The following SLIT2 variants were observed in gnomAD, a reference collection of about 807,000 sequenced individuals.
The protein encoded by SLIT2 is slit homolog 2 protein.
Under a neutral mutation model 185.7 loss-of-function variants are expected in SLIT2, and 41 were observed. That is an observed-to-expected ratio of 0.22 (90% CI 0.17 to 0.29). SLIT2 has a LOEUF of 0.29. SLIT2 is among the 10% of genes least tolerant of loss of function. SLIT2 has a pLI of 1.00. For synonymous variants in SLIT2, 693 were observed against 680.2 expected, an observed-to-expected ratio of 1.02 and a Z score of -0.29; for missense variants, 1,571 against 1,909.0, an observed-to-expected ratio of 0.82 and a Z score of 3.30.
chr4:20,618,932 G>A lies in SLIT2; in HGVS notation c.4513G>A (p.Glu1505Lys), dbSNP rs779153208. The change falls in exon 37 of 37, where the codon GAA becomes AAA. Residue 1505 changes from glutamate to lysine, a missense_variant. Glu to Lys is a moderately conservative substitution (Grantham distance 56). Around this residue, in one of 3 missense-constraint regions of SLIT2, gnomAD observed 223 missense variants for 245.2 expected, o/e 0.91. Transcript: ENST00000504154. ...LRSKRRKYSFECTDGSSFVDE... is the reference protein window; with the variant it reads ...LRSKRRKYSFKCTDGSSFVDE... ...GAGCAAGCGGCGGAAATACTCTTTC[G>A]AATGCACTGACGGCTCCTCCTTTGT... 8.7e-6 allele frequency: 14 copies of A among 1,613,964 alleles called. No individual in the cohort carries two copies. The highest frequency in any genetic ancestry group is 1.6e-4 in the Middle Eastern group (1 of 6,084).
At chr4:20,517,315 G>A (rs1243329154) in intron 11 of SLIT2, among the ~76,000 whole-genome samples, 2 of 152,116 alleles carry the variant, frequency 1.3e-5, no homozygotes, top group Non-Finnish European at 2.9e-5. Flanking sequence ...TTAGAATCTG[G>A]CAAAGTTACA....
intron 4 of SLIT2, among the ~76,000 whole-genome samples, chr4:20,280,332 CAAAA>C (rs10585964): frequency 1.1e-5 from 1 of 87,502 alleles, no homozygotes; most frequent in Non-Finnish European, 2.4e-5. Context: ...GACTCTGTCT[CAAAA>C]AAAAAAAAAA....
At chr4:20,531,511 G>T (rs565332413) in intron 16 of SLIT2, among the ~76,000 whole-genome samples, 1 of 152,254 alleles carries the variant, frequency 6.6e-6, no homozygotes, top group East Asian at 1.9e-4. Context: ...GGTTTCTTTT[G>T]GGGGTAATGA....
At chr4:20,511,040 T>TA (rs761745863) in intron 10 of SLIT2, 26 bp from the exon 11 acceptor site, 3 of 1,449,922 alleles carry the variant, frequency 2.1e-6, no homozygotes. Flanking sequence ...TGATTGAATG[T>TA]AACCTAACCC....
At chr4:20,456,099 G>A (rs1713037143) in intron 4 of SLIT2, among the ~76,000 whole-genome samples, 2 of 152,078 alleles carry the variant, frequency 1.3e-5, no homozygotes, top group South Asian at 4.1e-4. Flanking sequence ...AACAAGCCTT[G>A]CTGTTCTCAA....
rs868150013 is a variant in SLIT2 at position 20,426,886 on chromosome 4, C to T, written c.396-40866C>T. On this transcript the variant is annotated intron_variant, in intron 4 of 36. Coordinates refer to ENST00000504154, the MANE Select transcript of SLIT2 (RefSeq NM_004787.4). ...GTTTTTCCCAGAGAAATAACAGTTA[C>T]AGAGAGGCAGGTAAATTGCCCAGGG... Among the ~76,000 whole-genome samples, 10 of 152,252 alleles carry T rather than the reference C, an allele frequency of 6.6e-5. No individual in the cohort carries two copies. In the South Asian group the frequency reaches 2.1e-3, roughly 32 times the overall value.
intron 4 of SLIT2, among the ~76,000 whole-genome samples, chr4:20,368,219 C>CAAAAAAA (rs71653879): frequency 3.7e-5 from 4 of 107,418 alleles, no homozygotes; most frequent in African/African-American, 7.5e-5. Flanking sequence ...CACAAAATAG[C>CAAAAAAA]AAAAAAAAAA....
In SLIT2 at chr4:20,526,253, G is replaced by A. The variant is rs75821826; in HGVS notation, c.1462+1081G>A. Among the ~76,000 whole-genome samples, 915 of 152,156 alleles carry A rather than the reference G, an allele frequency of 6.0e-3. 3 individuals carry two copies. The highest frequency in any genetic ancestry group is 0.017 in the Middle Eastern group (5 of 294). ...GAATTACAATTTGTATAATTTTATGGATTTAGTAGATTTGGTGATATGACT... is the reference window on the plus strand; with the variant it reads ...GAATTACAATTTGTATAATTTTATGAATTTAGTAGATTTGGTGATATGACT... On this transcript the variant is annotated intron_variant, in intron 15 of 36. Transcript: ENST00000504154.
intron 4 of SLIT2, among the ~76,000 whole-genome samples, chr4:20,365,586 G>C (rs1055900512): frequency 6.6e-6 from 1 of 152,060 alleles, no homozygotes; most frequent in Non-Finnish European, 1.5e-5. Context: ...AGCTTTCTCA[G>C]AGGCTGACAA....
At chr4:20,365,165 T>C (rs1180110947) in intron 4 of SLIT2, among the ~76,000 whole-genome samples, 1 of 152,130 alleles carries the variant, frequency 6.6e-6, no homozygotes, top group East Asian at 1.9e-4. Flanking sequence ...AACATAAAAG[T>C]GTTTAACTGC....
intron 34 of SLIT2, among the ~76,000 whole-genome samples, chr4:20,613,604 C>T (rs1424097860): frequency 5.9e-5 from 9 of 152,072 alleles, no homozygotes; most frequent in Non-Finnish European, 1.3e-4. Flanking sequence ...ACAAACCCCT[C>T]GTGACATGAG....
At chr4:20,526,192 C>CT (rs770234826) in intron 15 of SLIT2, among the ~76,000 whole-genome samples, 7 of 152,154 alleles carry the variant, frequency 4.6e-5, no homozygotes, top group Non-Finnish European at 8.8e-5. Flanking sequence ...GGTTTAGTCT[C>CT]TATTTTAAGG....
At chr4:20,397,453 T>C (rs1345920654) in intron 4 of SLIT2, among the ~76,000 whole-genome samples, 1 of 151,798 alleles carries the variant, frequency 6.6e-6, no homozygotes, top group Non-Finnish European at 1.5e-5. Context: ...GCTGATTATC[T>C]ACTAGTTTGT....
intron 21 of SLIT2, among the ~76,000 whole-genome samples, chr4:20,544,817 C>G (rs767754058): frequency 1.3e-5 from 2 of 151,966 alleles, no homozygotes; most frequent in Non-Finnish European, 2.9e-5. Context: ...TGAATCTTGA[C>G]CTTCTGCTGT....
At chr4:20,439,513 C>T (rs1729588516) in intron 4 of SLIT2, among the ~76,000 whole-genome samples, 1 of 152,174 alleles carries the variant, frequency 6.6e-6, no homozygotes, top group Non-Finnish European at 1.5e-5. Flanking sequence ...TCTGTGGTAT[C>T]TGGCTCTGTG....
intron 4 of SLIT2, among the ~76,000 whole-genome samples, chr4:20,442,414 C>A (rs1271577994): frequency 6.6e-6 from 1 of 150,846 alleles, no homozygotes; most frequent in Non-Finnish European, 1.5e-5. Context: ...GTCCCAGCTA[C>A]TTGGGAAGCT....
chr4:20,444,980 A>G (rs544483588), intron 4 of SLIT2, among the ~76,000 whole-genome samples: 27 of 152,264 alleles, frequency 1.8e-4, no homozygotes, highest in Non-Finnish European at 3.7e-4. Flanking sequence ...ATAATATCAG[A>G]CCTTTTATTT....
intron 7 of SLIT2, among the ~76,000 whole-genome samples, chr4:20,486,968 T>C (rs1353296720): frequency 6.6e-6 from 1 of 152,042 alleles, no homozygotes; most frequent in Admixed American, 6.6e-5. Context: ...TAGGACATGA[T>C]TGGAAGCAAA....
intron 4 of SLIT2, among the ~76,000 whole-genome samples, chr4:20,308,668 T>C (rs1717799629): frequency 6.6e-6 from 1 of 152,154 alleles, no homozygotes; most frequent in Admixed American, 6.5e-5. Context: ...TAATAGAAGG[T>C]AGGTATTTAG....
Sources: allele counts gnomAD v4.1 joint callset (sites outside exome capture counted in the v4.1 genomes callset), GRCh38; gene constraint gnomAD v4.1.1; regional missense constraint gnomAD v4.1.1; transcripts MANE v1.5; gene names NCBI Gene and HGNC (gene_info 2026-07-23, HGNC 2026-07-21).